The following SYNPO2 variants were observed in gnomAD, a reference collection of about 807,000 sequenced individuals.
The protein encoded by SYNPO2 is synaptopodin 2.
A neutral mutation model predicts 85.0 loss-of-function variants in SYNPO2; 56 were observed. The ratio of observed to expected loss-of-function variants is 0.66; its 90% CI spans 0.53 to 0.82. SYNPO2 has a LOEUF of 0.82. Ranked by LOEUF, SYNPO2 falls within the 40% of genes least tolerant of loss-of-function variation. The pLI, the probability that SYNPO2 is intolerant of heterozygous loss-of-function variation, is 0.00. For missense variants in SYNPO2, 1,575 were observed against 1,534.2 expected (o/e 1.03, Z -0.44); for synonymous variants, 602 against 591.1 (o/e 1.02, Z -0.27).
At chr4:118,924,570 A>G (rs1236334151) in intron 1 of SYNPO2, among the ~76,000 whole-genome samples, 1 of 152,112 alleles carries the variant, frequency 6.6e-6, no homozygotes, top group Non-Finnish European at 1.5e-5. Flanking sequence ...TTCCTCTCCT[A>G]CCTCTGCCCA....
At chr4:118,942,374 T>C (rs1285614283) in intron 1 of SYNPO2, among the ~76,000 whole-genome samples, 1 of 152,210 alleles carries the variant, frequency 6.6e-6, no homozygotes, top group Admixed American at 6.5e-5. Flanking sequence ...ATGGGGTCTC[T>C]GGCACTTGGT....
chr4:118,900,703 C>CTCTCTCTCTCTCTCTCTATATATATATA (rs1277981772), intron 1 of SYNPO2, among the ~76,000 whole-genome samples: 1 of 43,894 alleles, frequency 2.3e-5, no homozygotes, highest in African/African-American at 7.9e-5. Context: ...CTCTCTCTCT[C>CTCTCTCTCTCTCTCTCTATATATATATA]TATATATATA....
chr4:118,872,198 G>A (rs1249640026), intron 1 of SYNPO2, among the ~76,000 whole-genome samples: 2 of 152,266 alleles, frequency 1.3e-5, no homozygotes, highest in African/African-American at 4.8e-5. Flanking sequence ...TGAAGTCAGG[G>A]TTTTTAAGGT....
intron 4 of SYNPO2, chr4:119,036,801 G>C (rs1364150880): frequency 4.9e-6 from 5 of 1,013,960 alleles, no homozygotes; most frequent in Non-Finnish European, 2.4e-6. Flanking sequence ...CCTGGCACTT[G>C]GAAATCACAG....
intron 1 of SYNPO2, among the ~76,000 whole-genome samples, chr4:118,871,446 A>G (rs1731797370): frequency 6.6e-6 from 1 of 152,020 alleles, no homozygotes; most frequent in Admixed American, 6.6e-5. Context: ...GACAAAACAT[A>G]GGGTTATTTG....
intron 1 of SYNPO2, among the ~76,000 whole-genome samples, chr4:118,926,525 T>C (rs1407923098): frequency 2.0e-5 from 3 of 152,162 alleles, no homozygotes; most frequent in African/African-American, 7.2e-5. Context: ...AAATATTCTT[T>C]CTGCCATGGT....
Position 119,035,026 on chromosome 4 carries a change from G to A in SYNPO2, c.3252+2999G>A, listed in dbSNP as rs193064840. ...TTCTAGGCAGAGCATCCACGAAGTCGGTTTTCATTGCCAGCTCAAGAGCGA... is the reference window on the plus strand; with the variant it reads ...TTCTAGGCAGAGCATCCACGAAGTCAGTTTTCATTGCCAGCTCAAGAGCGA... On this transcript the variant is annotated intron_variant, in intron 4 of 4. Coordinates refer to ENST00000307142, the MANE Select transcript of SYNPO2 (RefSeq NM_133477.3). 2.0e-5 allele frequency: 20 copies of A among 985,416 alleles called. No individual in the cohort carries two copies. In the East Asian group the frequency reaches 4.5e-4, roughly 22 times the overall value. The allele number at this position is 985,416 out of a possible 1,614,324, so 61.0% of individuals were successfully genotyped here.
chr4:118,921,644 A>G (rs1191654793), intron 1 of SYNPO2, among the ~76,000 whole-genome samples: 1 of 152,126 alleles, frequency 6.6e-6, no homozygotes, highest in Admixed American at 6.6e-5. Context: ...CTCCATAGCA[A>G]AGCCAAAGCT....
intron 1 of SYNPO2, among the ~76,000 whole-genome samples, chr4:118,935,507 A>C (rs1190494930): frequency 6.6e-6 from 1 of 152,252 alleles, no homozygotes; most frequent in Non-Finnish European, 1.5e-5. Flanking sequence ...GTGATAGTAA[A>C]CAAAGGACCA....
At chr4:119,017,333 C>T (rs1363409990) in intron 1 of SYNPO2, among the ~76,000 whole-genome samples, 1 of 152,164 alleles carries the variant, frequency 6.6e-6, no homozygotes, top group Non-Finnish European at 1.5e-5. Flanking sequence ...TATCATCTTG[C>T]TCTGCCTCCT....
At chr4:118,928,177 G>A (rs116248596) in intron 1 of SYNPO2, among the ~76,000 whole-genome samples, 232 of 152,276 alleles carry the variant, frequency 1.5e-3, no homozygotes, top group Non-Finnish European at 2.8e-3. Context: ...AGAACTGGAC[G>A]GTAACAGTTC....
At chr4:118,914,051 CAT>C (rs978457863) in intron 1 of SYNPO2, among the ~76,000 whole-genome samples, 3 of 151,898 alleles carry the variant, frequency 2.0e-5, no homozygotes, top group African/African-American at 7.3e-5. Context: ...AAGGAAGAAA[CAT>C]AGACAAATTA....
chr4:118,989,310 C>T (rs1682061305), intron 1 of SYNPO2, among the ~76,000 whole-genome samples: 1 of 152,146 alleles, frequency 6.6e-6, no homozygotes, highest in Non-Finnish European at 1.5e-5. Context: ...GGGGAGTAAA[C>T]AGCATGTGAA....
At chr4:119,008,777 C>T (rs59523444) in intron 1 of SYNPO2, among the ~76,000 whole-genome samples, 1 of 151,760 alleles carries the variant, frequency 6.6e-6, no homozygotes, top group African/African-American at 2.4e-5. Context: ...TTTTGCTGAA[C>T]TTTAACTCTT....
rs369753599 is a variant in SYNPO2, at chr4:118,874,398, G to GA, written c.12+23464dup. Among the ~76,000 whole-genome samples the GA allele has an allele frequency of 8.3e-3, 1,262 of 152,242 alleles. 21 individuals are homozygous for GA. The highest frequency in any genetic ancestry group is 0.029 in the African/African-American group (1,201 of 41,552). On this transcript the variant is annotated intron_variant, in intron 1 of 4. Transcript: ENST00000610556. ...CTAAAGACTGTTGATTTTATCTATG[G>GA]AAAAAATTACACAAATTAATCCCTG...
At chr4:119,037,413 C>A (rs1197522200) in intron 4 of SYNPO2, 2 of 1,180,430 alleles carry the variant, frequency 1.7e-6, no homozygotes, top group African/African-American at 3.2e-5. Context: ...TAAGAATAAA[C>A]AGAAAAATGT....
chr4:118,973,663 C>G (rs956273277), intron 1 of SYNPO2, among the ~76,000 whole-genome samples: 1 of 152,104 alleles, frequency 6.6e-6, no homozygotes, highest in Non-Finnish European at 1.5e-5. Context: ...GGGCAAATGC[C>G]AGTTCATAGC....
chr4:118,947,903 G>A (rs1578576048), intron 1 of SYNPO2, among the ~76,000 whole-genome samples: 2 of 152,108 alleles, frequency 1.3e-5, no homozygotes, highest in South Asian at 4.1e-4. Context: ...GATACCATTA[G>A]TATTGTCCAA....
intron 1 of SYNPO2, among the ~76,000 whole-genome samples, chr4:118,926,485 G>A (rs575363997): frequency 1.3e-5 from 2 of 152,252 alleles, no homozygotes; most frequent in East Asian, 3.9e-4. Flanking sequence ...TGATCAGTTA[G>A]AGGTAAGAAA....
Sources: gnomAD v4.1 joint callset for allele counts (sites outside exome capture counted in the v4.1 genomes callset) on GRCh38, gnomAD v4.1.1 for gene constraint, MANE v1.5 for transcripts, NCBI Gene and HGNC (gene_info 2026-07-23, HGNC 2026-07-21) for gene names.